Variants in IFRD1 observed in about 807,000 individuals in gnomAD.
The protein encoded by IFRD1 is interferon-related developmental regulator 1.
IFRD1 carries 35 observed loss-of-function variants against 52.9 expected under a neutral mutation model. The ratio of observed to expected loss-of-function variants is 0.66; its 90% CI spans 0.51 to 0.88. The LOEUF (loss-of-function observed/expected upper bound fraction) is 0.88, where lower values mean the gene tolerates loss of function less well. Among genes scored for constraint, IFRD1 ranks in the 40% least tolerant of loss-of-function variants. The pLI, the probability that IFRD1 is intolerant of heterozygous loss-of-function variation, is 0.00. For synonymous variants in IFRD1, 184 were observed against 188.4 expected (o/e 0.98, Z 0.19); for missense variants, 517 against 550.8 (o/e 0.94, Z 0.61).
intron 5 of IFRD1, among the ~76,000 whole-genome samples, chr7:112,460,231 C>T (rs1171808466): frequency 6.8e-6 from 1 of 146,310 alleles, no homozygotes; most frequent in Admixed American, 6.9e-5. Flanking sequence ...TAAATTGAGG[C>T]AGTCCTAGGG....
upstream of IFRD1, among the ~76,000 whole-genome samples, chr7:112,448,587 C>G (rs147578033): frequency 3.3e-5 from 5 of 152,190 alleles, no homozygotes; most frequent in African/African-American, 1.2e-4. Flanking sequence ...CTTCCTCCCC[C>G]ACAACCTGCC....
intron 5 of IFRD1, 94 bp from the exon 6 acceptor site, chr7:112,461,772 G>T: frequency 1.4e-6 from 1 of 710,350 alleles, no homozygotes. Flanking sequence ...ATGCTGCTGA[G>T]AACATTTTCA....
At position 112,468,111 on chromosome 7, in the gene IFRD1, TG is replaced by T; in HGVS notation, c.1039del (p.Glu347ArgfsTer23). Reference protein sequence around the residue: ...RSVFRDVLRAVEERDFPTETI... With the variant: ...RSVFRDVLRAXEERDFPTETI... ...GTTTTCAGAGATGTCCTGAGGGCAG[TG>T]GAGGTAGGCTTCTTAAATGCTGTAA... On this transcript the variant is annotated frameshift_variant, in exon 9 of 12. Transcript: ENST00000403825. LOFTEE classifies it high-confidence loss of function. 6.2e-7 allele frequency: 1 copy of T among 1,613,992 alleles called. No individual in the cohort carries two copies. Among genetic ancestry groups the T allele is most frequent in the Non-Finnish European group, 8.5e-7 (1 of 1,179,924 alleles).
In IFRD1 at chr7:112,455,758, A is replaced by G. The variant is rs370237642; in HGVS notation, c.95-5A>G. Reference sequence around the variant, plus strand: ...AATTTACCTCTTTCCTCTTTTACCTAATAGGTGGCCAGCATCGAAATGTTC... The same window carrying G: ...AATTTACCTCTTTCCTCTTTTACCTGATAGGTGGCCAGCATCGAAATGTTC... On this transcript the variant is annotated splice_region_variant and splice_polypyrimidine_tract_variant and intron_variant, in intron 1 of 11. Transcript: ENST00000403825. 3.1e-6 allele frequency: 5 copies of G among 1,588,036 alleles called. No individual in the cohort carries two copies. The African/African-American group carries it at 5.4e-5, about 17-fold the overall frequency.
rs1319052465 is a variant in IFRD1, at chr7:112,472,312, G to C, written c.1135G>C (p.Glu379Gln). ...AAAACACACCTATGACACCTTTAAG[G>C]AGGTTCTTGGATCAGGGATGCAGTA... ...VKKHTYDTFK[E>Q]VLGSGMQYHL... is the part of the protein sequence containing the mutation. Residue 379 changes from glutamate (E) to glutamine (Q), a missense_variant, in exon 10 of 12, where the codon GAG becomes CAG. Glu to Gln is a conservative substitution (Grantham distance 29). Transcript: ENST00000403825. 6.2e-7 allele frequency: 1 copy of C among 1,614,018 alleles called. No individual in the cohort carries two copies. The highest frequency in any genetic ancestry group is 1.7e-5 in the Admixed American group (1 of 60,012).
chr7:112,473,066 GTATA>G (rs770807983), intron 11 of IFRD1, among the ~76,000 whole-genome samples: 2,356 of 38,200 alleles, frequency 0.062, 66 homozygotes, highest in African/African-American at 0.16. Context: ...GTGTGTGTGT[GTATA>G]TATGTGTCAG....
At chr7:112,425,522 A>G (rs1238527443) in intron 1 of IFRD1, among the ~76,000 whole-genome samples, 1 of 152,152 alleles carries the variant, frequency 6.6e-6, no homozygotes, top group Non-Finnish European at 1.5e-5. Flanking sequence ...TTTGGACTCT[A>G]GAACTTGTAC....
chr7:112,463,881 CACACACACACACA>C (rs544117030), intron 8 of IFRD1, among the ~76,000 whole-genome samples: 3,173 of 53,956 alleles, frequency 0.059, 63 homozygotes, highest in African/African-American at 0.1. Flanking sequence ...CACACACACA[CACACACACACACA>C]CCCCACGTAT....
rs879386075 is a variant in IFRD1 at position 112,463,839 on chromosome 7, TATAC to T, written c.906+1463_906+1466del. Among the ~76,000 whole-genome samples the T allele has an allele frequency of 1.2e-3, 174 of 140,432 alleles. 1 individual carries two copies. Among genetic ancestry groups the T allele is most frequent in the African/African-American group, 3.3e-3 (124 of 37,314 alleles). The allele number at this position is 140,432 out of a possible 152,430, so 92.1% of individuals were successfully genotyped here. A position where few individuals can be genotyped will look rare whatever the true frequency, so the allele number is the denominator to read the frequency against. On this transcript the variant is annotated intron_variant, in intron 8 of 11. Coordinates refer to ENST00000403825, the MANE Select transcript of IFRD1 (RefSeq NM_001550.4). ...ATACATGTATATACATATACATATA[TATAC>T]ACATTTATATACACACACACACACA...
At chr7:112,469,569 T>C (rs17578662) in intron 9 of IFRD1, among the ~76,000 whole-genome samples, 2,243 of 152,278 alleles carry the variant, frequency 0.015, 28 homozygotes, top group Middle Eastern at 0.024. Context: ...TTTTTTGAGT[T>C]ACTGTAGTCT....
intron 1 of IFRD1, among the ~76,000 whole-genome samples, chr7:112,439,820 G>A (rs1794825795): frequency 6.6e-6 from 1 of 152,110 alleles, no homozygotes; most frequent in South Asian, 2.1e-4. Context: ...AAGAGGAATC[G>A]ATTATGACCC....
rs1486598559 is a variant in IFRD1 at position 112,434,086 on chromosome 7, G to A, written c.-182+10654G>A. Among the ~76,000 whole-genome samples, 4 of 152,164 alleles carry A rather than the reference G, an allele frequency of 2.6e-5. No individual in the cohort carries two copies. The East Asian group carries it at 5.8e-4, about 22-fold the overall frequency. ...GATTAGCCTGCTTTGGCGTCCCAAAGTGCTAGGATTACAGGTGTGAGCTAC... is the reference window on the plus strand; with the variant it reads ...GATTAGCCTGCTTTGGCGTCCCAAAATGCTAGGATTACAGGTGTGAGCTAC... On this transcript the variant is annotated intron_variant, in intron 1 of 12. Coordinates refer to the IFRD1 transcript ENST00000005558.
At position 112,472,312 on chromosome 7, in the gene IFRD1, G is replaced by T; in HGVS notation, c.1135G>T (p.Glu379Ter). 1 of 1,614,018 alleles carries T rather than the reference G, an allele frequency of 6.2e-7. No individual in the cohort carries two copies. The highest frequency in any genetic ancestry group is 8.5e-7 in the Non-Finnish European group (1 of 1,179,944). ...AAAACACACCTATGACACCTTTAAG[G>T]AGGTTCTTGGATCAGGGATGCAGTA... is the stretch of plus-strand genomic sequence containing the variant. ...VKKHTYDTFK[E>*]VLGSGMQYHL... The change falls in exon 10 of 12, where the codon GAG becomes TAG. Residue 379 changes from glutamate to a stop codon, truncating the protein, a stop_gained. Coordinates refer to ENST00000403825, the MANE Select transcript of IFRD1 (RefSeq NM_001550.4). LOFTEE classifies it high-confidence loss of function.
At chr7:112,424,418 CTTT>C (rs150700456) in intron 1 of IFRD1, among the ~76,000 whole-genome samples, 1 of 145,210 alleles carries the variant, frequency 6.9e-6, no homozygotes. Context: ...TTCTTTCTTT[CTTT>C]TTTTTTTTTT....
exon 1 of IFRD1, chr7:112,423,329 C>T (rs1164537186): frequency 6.6e-6 from 1 of 152,188 alleles, no homozygotes; most frequent in Non-Finnish European, 1.5e-5. Flanking sequence ...TATCTGGTAG[C>T]ACTGTTACAT....
At chr7:112,473,022 T>TG (rs138570971) in intron 11 of IFRD1, among the ~76,000 whole-genome samples, 161 bp downstream of exon 11, 19,530 of 147,208 alleles carry the variant, frequency 0.13, 1,466 homozygotes, top group South Asian at 0.31. Context: ...ATTTAGAGTG[T>TG]GGGGGGCGTG....
At position 112,462,144 on chromosome 7, in the gene IFRD1, A is replaced by G; in HGVS notation, c.762A>G (p.Ile254Met). 6.2e-7 allele frequency: 1 copy of G among 1,613,862 alleles called. No individual in the cohort carries two copies. The highest frequency in any genetic ancestry group is 1.1e-5 in the South Asian group (1 of 91,082). Residue 254 changes from isoleucine to methionine, a missense_variant, in exon 7 of 12, where the codon ATA becomes ATG. Coordinates refer to ENST00000403825, the MANE Select transcript of IFRD1 (RefSeq NM_001550.4). The stretch of plus-strand genomic sequence containing the variant: ...TTGCATGGACACTACTGCTGACCAT[A>G]TGCCCAATCAATGAAGTGAAGAAAA... ...SLLAWTLLLT[I>M]CPINEVKKKL...
chr7:112,450,794 C>T lies in IFRD1; in HGVS notation c.94+12C>T. 1 of 1,597,288 alleles carries T rather than the reference C, an allele frequency of 6.3e-7. No homozygotes were observed. The highest frequency in any genetic ancestry group is 8.6e-7 in the Non-Finnish European group (1 of 1,166,192). On this transcript the variant is annotated intron_variant, in intron 1 of 11. Transcript: ENST00000403825. Reference sequence around the variant, plus strand: ...GGCGGCGACAGCAGGTAAGGGGTATCCCCGCCGCCGGCATCCCAGTTGCCG... The same window carrying T: ...GGCGGCGACAGCAGGTAAGGGGTATTCCCGCCGCCGGCATCCCAGTTGCCG...
At chr7:112,459,140 G>T (rs1398839100) in intron 5 of IFRD1, 122 bp downstream of exon 5, 1 of 827,156 alleles carries the variant, frequency 1.2e-6, no homozygotes. Context: ...TGTAAGTCCA[G>T]GAGTTTGAGG....
Sources: allele counts gnomAD v4.1 joint callset (sites outside exome capture counted in the v4.1 genomes callset), GRCh38; gene constraint gnomAD v4.1.1; transcripts MANE v1.5; gene names NCBI Gene and HGNC (gene_info 2026-07-23, HGNC 2026-07-21).